FBN3: variants seen among roughly 807,000 people sequenced by gnomAD.
FBN3 encodes fibrillin-3.
Under a neutral mutation model 330.1 loss-of-function variants are expected in FBN3, and 234 were observed. The ratio of observed to expected loss-of-function variants is 0.71; its 90% CI spans 0.64 to 0.79. The LOEUF is 0.79. Among genes scored for constraint, FBN3 ranks in the 30% least tolerant of loss-of-function variants. FBN3 has a pLI of 0.00. For synonymous variants in FBN3, 1,458 were observed against 1,517.3 expected, an observed-to-expected ratio of 0.96 and a Z score of 0.91; for missense variants, 3,606 against 3,886.9, an observed-to-expected ratio of 0.93 and a Z score of 1.92.
At chr19:8,086,828 C>T (rs1334983212) in intron 54 of FBN3, among the ~76,000 whole-genome samples, 1 of 151,746 alleles carries the variant, frequency 6.6e-6, no homozygotes, top group Non-Finnish European at 1.5e-5. Context: ...GGCTGGAGTG[C>T]AGCGGCACTG....
Position 8,126,486 on chromosome 19 carries a change from A to C in FBN3, c.2536T>G (p.Cys846Gly). The change falls in exon 20 of 64, where the codon TGC becomes GGC. Residue 846 changes from cysteine (C) to glycine (G), a missense_variant. Coordinates refer to ENST00000600128, the MANE Select transcript of FBN3 (RefSeq NM_032447.5). ...ATLGAAWGSP[C>G]ERCEIDPACA... ...ATACTACCGATCTCGCAGCGTTCGCAGGGGCTCCCCCAGGCTGCCCCGAGG... is the reference window on the plus strand; with the variant it reads ...ATACTACCGATCTCGCAGCGTTCGCCGGGGCTCCCCCAGGCTGCCCCGAGG... The C allele has an allele frequency of 6.2e-7, 1 of 1,612,982 alleles. No homozygotes were observed. The highest frequency in any genetic ancestry group is 1.3e-5 in the African/African-American group (1 of 75,050).
intron 38 of FBN3, among the ~76,000 whole-genome samples, chr19:8,104,044 G>A (rs1305825900): frequency 6.6e-6 from 1 of 151,528 alleles, no homozygotes; most frequent in African/African-American, 2.4e-5. Context: ...AGGATCACTT[G>A]AGTCCAGGAG....
rs199569144 is a variant in FBN3, at chr19:8,114,006, TAATA to T, written c.3838+1505_3838+1508del. On this transcript the variant is annotated intron_variant, in intron 30 of 63. Transcript: ENST00000600128. ...ACACTATCTCACAAAAATAAATAAA[TAATA>T]AATAAAATGTAAAACATGAAAAATA... Among the ~76,000 whole-genome samples, 1,351 of 147,592 alleles carry T rather than the reference TAATA, an allele frequency of 9.2e-3. 19 individuals are homozygous for T. Among genetic ancestry groups the T allele is most frequent in the African/African-American group, 0.031 (1,276 of 40,708 alleles).
Position 8,136,543 on chromosome 19 carries a change from G to A in FBN3, c.1202-12C>T. ...CAGGGTAGCAGTGCCTACGGGTGGG[G>A]CCGGCAGAGGCATCTGAGCAGTGGC... On this transcript the variant is annotated splice_polypyrimidine_tract_variant and intron_variant, in intron 10 of 63. Transcript: ENST00000600128. The A allele has an allele frequency of 1.2e-6, 2 of 1,613,724 alleles. No individual in the cohort carries two copies. The highest frequency in any genetic ancestry group is 2.2e-5 in the South Asian group (2 of 91,074).
At chr19:8,114,021 A>G (rs1211978295) in intron 30 of FBN3, among the ~76,000 whole-genome samples, 1 of 151,766 alleles carries the variant, frequency 6.6e-6, no homozygotes, top group African/African-American at 2.4e-5. Flanking sequence ...AATAAAATGT[A>G]AAACATGAAA....
intron 48 of FBN3, among the ~76,000 whole-genome samples, chr19:8,090,576 C>T (rs750784641): frequency 2.0e-4 from 31 of 151,852 alleles, no homozygotes; most frequent in Admixed American, 5.9e-4. Context: ...CTCTACCTCC[C>T]AGGTTCGAGT....
intron 22 of FBN3, among the ~76,000 whole-genome samples, chr19:8,124,685 C>T (rs117670419): frequency 0.049 from 7,501 of 152,016 alleles, 398 homozygotes; most frequent in East Asian, 0.2. Context: ...TTACAGACAC[C>T]GCTACCACGC....
rs3075768 is a variant in FBN3, at chr19:8,137,609, C to CTTATTTATTTATTTATTTAT, written c.1201+512_1201+531dup. On this transcript the variant is annotated intron_variant, in intron 10 of 63. Coordinates refer to ENST00000600128, the MANE Select transcript of FBN3 (RefSeq NM_032447.5). ...TCCCCACCCAAAGCCCGAACTCTGA[C>CTTATTTATTTATTTATTTAT]TTATTTATTTATTTATTTATTTATT... Among the ~76,000 whole-genome samples, 7 of 146,518 alleles carry CTTATTTATTTATTTATTTAT rather than the reference C, an allele frequency of 4.8e-5. No homozygotes were observed. In the South Asian group the frequency reaches 6.7e-4, roughly 14 times the overall value.
At position 8,149,076 on chromosome 19, in the gene FBN3, T is replaced by G. The variant is rs1409515532; in HGVS notation, c.-18+373A>C. On this transcript the variant is annotated intron_variant, in intron 1 of 63. Coordinates refer to ENST00000600128, the MANE Select transcript of FBN3 (RefSeq NM_032447.5). The surrounding 1 kb of genome is among the most constrained non-coding windows in gnomAD (Gnocchi z 5.5). ...CAGAGAAGGCGCGCCCGGCACGGGGTGTGGAGGCTGAGGGCCAAACAGCGA... is the reference window on the plus strand; with the variant it reads ...CAGAGAAGGCGCGCCCGGCACGGGGGGTGGAGGCTGAGGGCCAAACAGCGA... Among the ~76,000 whole-genome samples the G allele has an allele frequency of 1.3e-5, 2 of 151,822 alleles. No homozygotes were observed. Among genetic ancestry groups the G allele is most frequent in the African/African-American group, 4.8e-5 (2 of 41,310 alleles).
chr19:8,135,429 C>T (rs1281182093), intron 13 of FBN3, among the ~76,000 whole-genome samples: 1 of 152,020 alleles, frequency 6.6e-6, no homozygotes, highest in African/African-American at 2.4e-5. Flanking sequence ...AGGTGTCTGC[C>T]ACCACGCCCA....
At chr19:8,125,384 T>G (rs1056574376) in intron 22 of FBN3, among the ~76,000 whole-genome samples, 17 of 145,884 alleles carry the variant, frequency 1.2e-4, no homozygotes, top group Non-Finnish European at 2.0e-4. Flanking sequence ...ACTGCACTCC[T>G]GCCTGGGTGA....
At chr19:8,140,396 G>A (rs1000278431) in intron 8 of FBN3, among the ~76,000 whole-genome samples, 7 of 152,134 alleles carry the variant, frequency 4.6e-5, no homozygotes, top group Admixed American at 1.3e-4. Flanking sequence ...CCCCGGAGGC[G>A]GAGGTTGCAG....
chr19:8,067,591 G>A (rs971438764), intron 63 of FBN3, among the ~76,000 whole-genome samples: 1 of 152,012 alleles, frequency 6.6e-6, no homozygotes, highest in African/African-American at 2.4e-5. Context: ...TCACACCTCT[G>A]CACTCCAGCC....
At position 8,073,222 on chromosome 19, in the gene FBN3, C is replaced by T. The variant is rs749745225; in HGVS notation, c.7778G>A (p.Cys2593Tyr). ...AAAGTCAAAGCCAGAGGGGCAGACG[C>T]AGCGGAAGCCACCAAGAGTGTTGCG... ...SCRNTLGGFRCVCPSGFDFDQ... is the reference protein window; with the variant it reads ...SCRNTLGGFRYVCPSGFDFDQ... Residue 2593 changes from cysteine (C) to tyrosine (Y), a missense_variant, in exon 62 of 64, where the codon TGC becomes TAC. Cys to Tyr is a radical substitution (Grantham distance 194). Transcript: ENST00000600128. 3.7e-5 allele frequency: 59 copies of T among 1,614,090 alleles called. 1 individual carries two copies. In the South Asian group the frequency reaches 6.4e-4, roughly 17 times the overall value.
At chr19:8,114,661 G>A (rs1338152314) in intron 30 of FBN3, among the ~76,000 whole-genome samples, 1 of 152,168 alleles carries the variant, frequency 6.6e-6, no homozygotes, top group Non-Finnish European at 1.5e-5. Context: ...ATGGGCTCAA[G>A]CAGTCCTCCT....
intron 30 of FBN3, among the ~76,000 whole-genome samples, chr19:8,113,125 T>C (rs966870880): frequency 4.6e-5 from 7 of 152,204 alleles, no homozygotes; most frequent in Non-Finnish European, 1.0e-4. Context: ...TGATGAGTGT[T>C]CTTTTGAGAA....
At position 8,096,972 on chromosome 19, in the gene FBN3, G is replaced by C. The variant is rs1568388694; in HGVS notation, c.5322C>G (p.Cys1774Trp). 6.2e-7 allele frequency: 1 copy of C among 1,613,542 alleles called. No homozygotes were observed. Among genetic ancestry groups the C allele is most frequent in the East Asian group, 2.2e-5 (1 of 44,866 alleles). ...VDECGSRESP[C>W]QQNADCINIP... The stretch of plus-strand genomic sequence containing the variant: ...TGTTGATGCAGTCAGCATTCTGCTG[G>C]CAGGGACTCTCCCTGCTGCCACACT... Residue 1774 changes from cysteine to tryptophan, a missense_variant, in exon 43 of 64, where the codon TGC becomes TGG. By Grantham distance (215) the Cys-to-Trp change is radical. Coordinates refer to ENST00000600128, the MANE Select transcript of FBN3 (RefSeq NM_032447.5). The surrounding 1 kb of genome is among the most constrained non-coding windows in gnomAD (Gnocchi z 4.6).
intron 22 of FBN3, 23 bp from the exon 23 acceptor site, chr19:8,124,031 G>C (rs138150736): frequency 1.3e-6 from 2 of 1,588,754 alleles, no homozygotes; most frequent in Non-Finnish European, 8.6e-7. Context: ...CAGTCACTGC[G>C]TCCCCACCCC....
chr19:8,148,008 G>A (rs981061572), intron 1 of FBN3, among the ~76,000 whole-genome samples: 2 of 152,092 alleles, frequency 1.3e-5, no homozygotes, highest in African/African-American at 4.8e-5. Flanking sequence ...GGCTCATGTC[G>A]TGGGAGGTGG....
Sources: allele counts gnomAD v4.1 joint callset (sites outside exome capture counted in the v4.1 genomes callset), GRCh38; gene constraint gnomAD v4.1.1; non-coding constraint Gnocchi (gnomAD v3.1); transcripts MANE v1.5; gene names NCBI Gene and HGNC (gene_info 2026-07-23, HGNC 2026-07-21).